The following CEP128 variants were observed in gnomAD, a reference collection of about 807,000 sequenced individuals.
The protein encoded by CEP128 is centrosomal protein 128.
CEP128 carries 132 observed loss-of-function variants against 156.7 expected under a neutral mutation model. That is an observed-to-expected ratio of 0.84 (90% CI 0.73 to 0.97). The LOEUF (loss-of-function observed/expected upper bound fraction) is 0.97, where lower values mean the gene tolerates loss of function less well. Among genes scored for constraint, CEP128 ranks in the 50% least tolerant of loss-of-function variants. The pLI, the probability that CEP128 is intolerant of heterozygous loss-of-function variation, is 0.00. For missense variants in CEP128, 1,252 were observed against 1,281.9 expected, an observed-to-expected ratio of 0.98 and a Z score of 0.36; for synonymous variants, 469 against 448.9, an observed-to-expected ratio of 1.04 and a Z score of -0.57.
At chr14:80,604,392 A>G (rs930769311) in intron 19 of CEP128, among the ~76,000 whole-genome samples, 1 of 152,196 alleles carries the variant, frequency 6.6e-6, no homozygotes, top group African/African-American at 2.4e-5. Context: ...ATAGAGGAGA[A>G]GAATGAAATG....
chr14:80,687,709 T>C (rs960904766), intron 19 of CEP128, among the ~76,000 whole-genome samples: 2 of 152,112 alleles, frequency 1.3e-5, no homozygotes, highest in African/African-American at 2.4e-5. Flanking sequence ...TAAAAGGGCA[T>C]ATGTAACCCT....
intron 19 of CEP128, among the ~76,000 whole-genome samples, chr14:80,648,106 A>G (rs949822314): frequency 5.9e-5 from 9 of 152,038 alleles, no homozygotes; most frequent in Admixed American, 2.0e-4. Context: ...ATTGACAGAG[A>G]AATAAGGCTA....
At chr14:80,763,871 C>T (rs1436544294) in intron 16 of CEP128, among the ~76,000 whole-genome samples, 1 of 152,138 alleles carries the variant, frequency 6.6e-6, no homozygotes, top group Non-Finnish European at 1.5e-5. Context: ...TAGGAGGTTT[C>T]TCCCCACACG....
intron 21 of CEP128, 133 bp from the exon 22 acceptor site, chr14:80,531,019 C>T: frequency 2.4e-6 from 1 of 424,720 alleles, no homozygotes; most frequent in Non-Finnish European, 4.3e-6. Context: ...CAAATAAGAA[C>T]ATATATAATA....
At chr14:80,642,859 A>G (rs2140800276) in intron 19 of CEP128, among the ~76,000 whole-genome samples, 1 of 151,926 alleles carries the variant, frequency 6.6e-6, no homozygotes, top group Non-Finnish European at 1.5e-5. Flanking sequence ...AGTTCAGGCA[A>G]TTCTCCTGCC....
chr14:80,799,329 T>C (rs2139876278), intron 13 of CEP128, among the ~76,000 whole-genome samples: 1 of 152,362 alleles, frequency 6.6e-6, no homozygotes, highest in South Asian at 2.1e-4. Flanking sequence ...CTCTTAATCC[T>C]GTTATTTTCA....
At chr14:80,921,431 T>G (rs201883178) in intron 2 of CEP128, among the ~76,000 whole-genome samples, 1 of 152,142 alleles carries the variant, frequency 6.6e-6, no homozygotes, top group East Asian at 1.9e-4. Context: ...GTAAGAAGGT[T>G]CTCACTAGAT....
chr14:80,755,956 G>A (rs1180114715), intron 18 of CEP128, among the ~76,000 whole-genome samples: 1 of 152,148 alleles, frequency 6.6e-6, no homozygotes, highest in Admixed American at 6.5e-5. Flanking sequence ...CCAAATTAAA[G>A]AGCTATGATT....
At chr14:80,729,103 G>T (rs966951651) in intron 19 of CEP128, among the ~76,000 whole-genome samples, 13 of 70,402 alleles carry the variant, frequency 1.8e-4, no homozygotes, top group Non-Finnish European at 4.5e-4. Context: ...GTGTGTGTGT[G>T]TGTGTGTGTG....
chr14:80,573,136 G>A (rs1350099465), intron 20 of CEP128, among the ~76,000 whole-genome samples: 3 of 150,804 alleles, frequency 2.0e-5, no homozygotes, highest in African/African-American at 7.3e-5. Context: ...TGTTGGTCAG[G>A]CTGGTCTCAA....
intron 13 of CEP128, among the ~76,000 whole-genome samples, chr14:80,813,715 T>C (rs1057478996): frequency 2.6e-5 from 4 of 152,282 alleles, no homozygotes; most frequent in Admixed American, 6.5e-5. Flanking sequence ...CTTTCCAAAA[T>C]TAAGCAGTAT....
chr14:80,692,133 C>G (rs750236449), intron 19 of CEP128, among the ~76,000 whole-genome samples: 2 of 152,078 alleles, frequency 1.3e-5, no homozygotes, highest in African/African-American at 2.4e-5. Context: ...GACTAGTTGT[C>G]AGGAAAGGTC....
intron 21 of CEP128, among the ~76,000 whole-genome samples, chr14:80,538,649 A>G (rs1889596906): frequency 6.6e-6 from 1 of 152,232 alleles, no homozygotes; most frequent in African/African-American, 2.4e-5. Flanking sequence ...AGTACATTGC[A>G]TACATTAATA....
At chr14:80,589,553 T>C (rs1413722406) in intron 19 of CEP128, among the ~76,000 whole-genome samples, 1 of 152,156 alleles carries the variant, frequency 6.6e-6, no homozygotes, top group Non-Finnish European at 1.5e-5. Context: ...AAGCTGTGAC[T>C]CCAAAATTGT....
chr14:80,729,058 GGT>G (rs559470308), intron 19 of CEP128, among the ~76,000 whole-genome samples: 1,874 of 104,678 alleles, frequency 0.018, 29 homozygotes, highest in Admixed American at 0.026. Context: ...GGCTGGTGGG[GGT>G]GTGTGTGTGT....
At chr14:80,482,109 A>ATT (rs146627195) in intron 14 of CEP128, among the ~76,000 whole-genome samples, 1 of 150,118 alleles carries the variant, frequency 6.7e-6, no homozygotes, top group African/African-American at 2.4e-5. Flanking sequence ...AGAGAATCTT[A>ATT]TTTTTTTTTT....
intron 19 of CEP128, among the ~76,000 whole-genome samples, chr14:80,740,356 A>G (rs1381576664): frequency 2.0e-5 from 3 of 152,072 alleles, no homozygotes; most frequent in African/African-American, 4.8e-5. Context: ...AAAATTCATT[A>G]AGGCAAGAAA....
At chr14:80,600,183 G>A (rs1277880197) in intron 19 of CEP128, among the ~76,000 whole-genome samples, 2 of 152,118 alleles carry the variant, frequency 1.3e-5, no homozygotes, top group Admixed American at 1.3e-4. Context: ...AAAAGAAAGT[G>A]GGGAAGAAAC....
At chr14:80,624,895 T>C (rs918681508) in intron 19 of CEP128, among the ~76,000 whole-genome samples, 1 of 152,236 alleles carries the variant, frequency 6.6e-6, no homozygotes, top group Non-Finnish European at 1.5e-5. Flanking sequence ...ATTATTTCCT[T>C]TGCTATGCAG....
Sources: gnomAD v4.1 joint callset for allele counts (sites outside exome capture counted in the v4.1 genomes callset) on GRCh38, gnomAD v4.1.1 for gene constraint, MANE v1.5 for transcripts, NCBI Gene and HGNC (gene_info 2026-07-23, HGNC 2026-07-21) for gene names.